Variants in NCAM2 observed in about 807,000 individuals in gnomAD.
NCAM2 encodes N-CAM-2.
In NCAM2, 30 loss-of-function variants were observed where a neutral mutation model predicts 98.1. The ratio of observed to expected loss-of-function variants is 0.31; its 90% CI spans 0.23 to 0.41. The LOEUF is 0.41. NCAM2 is among the 10% of genes least tolerant of loss of function. The pLI is 1.00. For missense variants in NCAM2, 867 were observed against 1,005.8 expected, an observed-to-expected ratio of 0.86 and a Z score of 1.87; for synonymous variants, 368 against 342.4, an observed-to-expected ratio of 1.07 and a Z score of -0.83.
At chr21:21,443,869 C>T (rs1340346057) in intron 12 of NCAM2, among the ~76,000 whole-genome samples, 1 of 152,134 alleles carries the variant, frequency 6.6e-6, no homozygotes, top group Non-Finnish European at 1.5e-5. Flanking sequence ...TATCATACTA[C>T]TCAACTTCAC....
chr21:21,499,956 T>C (rs1987519248), intron 15 of NCAM2, among the ~76,000 whole-genome samples: 1 of 152,102 alleles, frequency 6.6e-6, no homozygotes, highest in African/African-American at 2.4e-5. Context: ...TATCAACTCA[T>C]CTTTTTATTT....
At chr21:21,044,043 G>GTA (rs2064961252) in intron 1 of NCAM2, among the ~76,000 whole-genome samples, 1 of 151,622 alleles carries the variant, frequency 6.6e-6, no homozygotes, top group Admixed American at 6.6e-5. Context: ...CTTTGTGTGT[G>GTA]TGTGTGTGGC....
rs759989878 is a variant in NCAM2, at chr21:21,280,656, C to T, written c.130+4C>T. ...TCTAAATTCTTCACATGTACAGGTACGTATTTCTGTAAATACCTTCAGATA... is the reference window on the plus strand; with the variant it reads ...TCTAAATTCTTCACATGTACAGGTATGTATTTCTGTAAATACCTTCAGATA... On this transcript the variant is annotated splice_donor_region_variant and intron_variant, in intron 2 of 17. Transcript: ENST00000400546. The T allele has an allele frequency of 2.1e-5, 32 of 1,524,360 alleles. No individual in the cohort carries two copies. Among genetic ancestry groups the T allele is most frequent in the African/African-American group, 2.8e-5 (2 of 71,096 alleles). 94.4% of individuals were successfully genotyped at this position (1,524,360 alleles called of 1,614,324 possible).
intron 1 of NCAM2, among the ~76,000 whole-genome samples, chr21:21,013,902 T>A (rs2064257297): frequency 6.6e-6 from 1 of 152,220 alleles, no homozygotes; most frequent in African/African-American, 2.4e-5. Flanking sequence ...TACAGCAAGT[T>A]ATTCAGAAAT....
intron 1 of NCAM2, chr21:21,147,194 A>T: frequency 1.0e-6 from 1 of 973,864 alleles, no homozygotes. Context: ...CTTCTACTTC[A>T]GCACATGGAA....
At chr21:21,345,739 A>AC (rs1320403182) in intron 8 of NCAM2, among the ~76,000 whole-genome samples, 1 of 152,094 alleles carries the variant, frequency 6.6e-6, no homozygotes, top group Non-Finnish European at 1.5e-5. Flanking sequence ...CTAGAGAAAA[A>AC]TATCAATATC....
chr21:21,104,303 G>T (rs921438917), intron 1 of NCAM2, among the ~76,000 whole-genome samples: 2 of 152,086 alleles, frequency 1.3e-5, no homozygotes, highest in African/African-American at 4.8e-5. Flanking sequence ...TTAGTGTATT[G>T]TATATATCTG....
chr21:21,193,558 C>T (rs1051707806), intron 1 of NCAM2, among the ~76,000 whole-genome samples: 1 of 145,788 alleles, frequency 6.9e-6, no homozygotes. Flanking sequence ...TGCAATGGCG[C>T]GATCTCGGCT....
In NCAM2 at chr21:21,131,674, C is replaced by T. The variant is rs75086674; in HGVS notation, c.55+133056C>T. ...ATAATATTGTATTTTTTAAAATATA[C>T]GTCAATTACTACAATTTTATATATA... is the stretch of plus-strand genomic sequence containing the variant. On this transcript the variant is annotated intron_variant, in intron 1 of 17. Coordinates refer to ENST00000400546, the MANE Select transcript of NCAM2 (RefSeq NM_004540.5). 4.4e-3 allele frequency among the ~76,000 whole-genome samples: 674 copies of T among 152,164 alleles called. 4 individuals are homozygous for T. The highest frequency in any genetic ancestry group is 0.015 in the African/African-American group (632 of 41,518).
intron 1 of NCAM2, among the ~76,000 whole-genome samples, chr21:21,053,060 G>GA (rs914465923): frequency 4.0e-5 from 6 of 148,564 alleles, no homozygotes; most frequent in East Asian, 2.0e-4. Flanking sequence ...TTGAATAGTT[G>GA]AAAAAAAAAG....
At chr21:21,482,098 GA>G (rs199634021) in intron 15 of NCAM2, among the ~76,000 whole-genome samples, 17 of 144,846 alleles carry the variant, frequency 1.2e-4, no homozygotes, top group Admixed American at 4.1e-4. Flanking sequence ...ACTCCATCTC[GA>G]AAAAAAAAAA....
At chr21:21,027,904 T>C (rs2064586869) in intron 1 of NCAM2, among the ~76,000 whole-genome samples, 1 of 151,882 alleles carries the variant, frequency 6.6e-6, no homozygotes, top group Non-Finnish European at 1.5e-5. Flanking sequence ...TTGCCCAGGC[T>C]GGAGTGCGGT....
At chr21:21,278,811 T>C (rs1261496014) in intron 1 of NCAM2, among the ~76,000 whole-genome samples, 4 of 152,174 alleles carry the variant, frequency 2.6e-5, no homozygotes, top group Admixed American at 6.5e-5. Flanking sequence ...TTTTTTTTGG[T>C]AAATATTTTG....
chr21:21,450,484 A>G (rs763578675), intron 12 of NCAM2, among the ~76,000 whole-genome samples: 1 of 151,938 alleles, frequency 6.6e-6, no homozygotes, highest in Non-Finnish European at 1.5e-5. Context: ...AGCTGGGACT[A>G]CACACGGCTA....
intron 8 of NCAM2, among the ~76,000 whole-genome samples, chr21:21,358,500 C>T (rs1014246139): frequency 5.3e-5 from 8 of 151,996 alleles, no homozygotes; most frequent in Non-Finnish European, 1.2e-4. Flanking sequence ...TACAAAAATA[C>T]ACGCACATCC....
intron 1 of NCAM2, among the ~76,000 whole-genome samples, chr21:21,112,663 CT>C (rs1217297816): frequency 1.3e-5 from 2 of 152,100 alleles, no homozygotes; most frequent in Admixed American, 1.3e-4. Flanking sequence ...GAAGAGAAAA[CT>C]TTTATCGGTC....
chr21:21,533,434 A>G (rs576835105), intron 16 of NCAM2, among the ~76,000 whole-genome samples: 2 of 151,810 alleles, frequency 1.3e-5, no homozygotes, highest in Non-Finnish European at 1.5e-5. Context: ...AAAGTTCTAT[A>G]TATTTTCATG....
At chr21:21,169,048 T>C (rs1206480719) in intron 1 of NCAM2, among the ~76,000 whole-genome samples, 1 of 152,136 alleles carries the variant, frequency 6.6e-6, no homozygotes, top group Non-Finnish European at 1.5e-5. Context: ...ATTTACTATC[T>C]ATCTGCAGTA....
chr21:21,494,937 C>A (rs1190972007), intron 15 of NCAM2, among the ~76,000 whole-genome samples: 2 of 151,178 alleles, frequency 1.3e-5, no homozygotes, highest in South Asian at 2.1e-4. Flanking sequence ...AGCTCAGTTT[C>A]TTTCTTTTTC....
Sources: allele counts gnomAD v4.1 joint callset (sites outside exome capture counted in the v4.1 genomes callset), GRCh38; gene constraint gnomAD v4.1.1; transcripts MANE v1.5; gene names NCBI Gene and HGNC (gene_info 2026-07-23, HGNC 2026-07-21).